Variants in STK11IP observed in about 807,000 individuals in gnomAD.
STK11IP encodes the protein serine/threonine kinase 11 interacting protein.
A neutral mutation model predicts 131.7 loss-of-function variants in STK11IP; 103 were observed. The observed-to-expected ratio is 0.78, with a 90% confidence interval of 0.67 to 0.92. The LOEUF is 0.92. Ranked by LOEUF, STK11IP falls within the 40% of genes least tolerant of loss-of-function variation. The probability of loss-of-function intolerance (pLI) is 0.00; values close to 1 mark genes in which losing one functional copy is unlikely to be tolerated. For missense variants in STK11IP, 1,315 were observed against 1,385.7 expected, an observed-to-expected ratio of 0.95 and a Z score of 0.81; for synonymous variants, 557 against 575.6, an observed-to-expected ratio of 0.97 and a Z score of 0.46.
intron 2 of STK11IP, 83 bp downstream of exon 2, chr2:219,598,263 A>G (rs1039795535): frequency 2.1e-5 from 22 of 1,061,752 alleles, no homozygotes; most frequent in Admixed American, 3.1e-5. Flanking sequence ...CCTGAGAGTC[A>G]TGGAGTTACG....
In STK11IP at chr2:219,612,983, C is replaced by T. The variant is rs375786731; in HGVS notation, c.2440-145C>T. The T allele has an allele frequency of 1.9e-4, 122 of 627,066 alleles. 4 individuals carry two copies. The highest frequency in any genetic ancestry group is 7.3e-4 in the African/African-American group (40 of 55,138). The allele number at this position is 627,066 out of a possible 1,614,324, so 38.8% of individuals were successfully genotyped here. A position where few individuals can be genotyped will look rare whatever the true frequency, so the allele number is the denominator to read the frequency against. On this transcript the variant is annotated intron_variant, in intron 19 of 24. Transcript: ENST00000456909. ...GAGCGGTGGTGGATGAAGAGGCTGT[C>T]GAGTGTGAGGGAAGCTCCATAGACT...
chr2:219,607,129 C>T lies in STK11IP; in HGVS notation c.1211C>T (p.Ser404Phe), dbSNP rs542468937. The change falls in exon 13 of 25, where the codon TCT (serine) becomes TTT (phenylalanine). Residue 404 changes from serine (S) to phenylalanine (F), a missense_variant. By Grantham distance (155) the Ser-to-Phe change is radical. Coordinates refer to ENST00000456909, the MANE Select transcript of STK11IP (RefSeq NM_052902.4). ...CCGGAGCCCCGAACTCTGAACCCCT[C>T]TCCGGCTGGTAAGTCAGCTTCATCC... ...TDPEPRTLNP[S>F]PAGWFVQQHP... 8 of 1,613,912 alleles carry T rather than the reference C, an allele frequency of 5.0e-6. No individual in the cohort carries two copies. Among genetic ancestry groups the T allele is most frequent in the Non-Finnish European group, 6.8e-6 (8 of 1,179,884 alleles).
chr2:219,608,798 G>T lies in STK11IP; in HGVS notation c.1809+10G>T. 1 of 1,586,548 alleles carries T rather than the reference G, an allele frequency of 6.3e-7. No homozygotes were observed. Among genetic ancestry groups the T allele is most frequent in the Non-Finnish European group, 8.6e-7 (1 of 1,167,410 alleles). ...GTCGCCCAGGCCCACGGTGAGTGGG[G>T]CGTGGCAGGGTCTCTGGAGGAGCCA... On this transcript the variant is annotated intron_variant, in intron 15 of 24. Coordinates refer to ENST00000456909, the MANE Select transcript of STK11IP (RefSeq NM_052902.4).
rs1574619629 is a variant in STK11IP at position 219,606,282 on chromosome 2, G to C, written c.937G>C (p.Ala313Pro). Residue 313 changes from alanine (A) to proline (P), a missense_variant, in exon 10 of 25, where the codon GCT (alanine) becomes CCT (proline). Transcript: ENST00000456909. Reference sequence around the variant, plus strand: ...CTTGTCACCCCGGGCCAGGGATGCTGCTACTGGCGTGAGTGATCGTCCTGT... The same window carrying C: ...CTTGTCACCCCGGGCCAGGGATGCTCCTACTGGCGTGAGTGATCGTCCTGT... ...QYLSPRARDA[A>P]TGFLLDGKVL... 1.3e-6 allele frequency: 2 copies of C among 1,565,762 alleles called. No homozygotes were observed. The highest frequency in any genetic ancestry group is 1.7e-6 in the Non-Finnish European group (2 of 1,154,912).
chr2:219,601,008 T>C (rs1004406645), intron 2 of STK11IP, among the ~76,000 whole-genome samples: 2 of 152,192 alleles, frequency 1.3e-5, no homozygotes, highest in African/African-American at 4.8e-5. Context: ...GTTGGAGTTG[T>C]GTAGCCAAGC....
At chr2:219,598,256 G>C (rs942654033) in intron 2 of STK11IP, 76 bp downstream of exon 2, 21 of 1,090,566 alleles carry the variant, frequency 1.9e-5, no homozygotes, top group Admixed American at 3.1e-5. Flanking sequence ...GACACGCCCT[G>C]AGAGTCATGG....
At chr2:219,609,762 A>C (rs1228582734) in intron 17 of STK11IP, 1 of 504,548 alleles carries the variant, frequency 2.0e-6, no homozygotes, top group East Asian at 3.6e-5. Flanking sequence ...TTTTTTTTTA[A>C]CTCTAAAAGT....
chr2:219,599,115 G>C (rs1269916137), intron 2 of STK11IP, among the ~76,000 whole-genome samples: 1 of 152,078 alleles, frequency 6.6e-6, no homozygotes, highest in Non-Finnish European at 1.5e-5. Flanking sequence ...TTGAGACAGA[G>C]TCTTGCTGTG....
intron 7 of STK11IP, among the ~76,000 whole-genome samples, chr2:219,603,467 C>T (rs1281063039): frequency 6.6e-6 from 1 of 152,098 alleles, no homozygotes; most frequent in Admixed American, 6.5e-5. Flanking sequence ...TGGGTCCTCC[C>T]ATCCACCTGT....
chr2:219,608,758 G>A lies in STK11IP; in HGVS notation c.1779G>A (p.Glu593=), dbSNP rs539594250. The A allele has an allele frequency of 1.3e-5, 21 of 1,609,924 alleles. No individual in the cohort carries two copies. The South Asian group carries it at 2.3e-4, about 18-fold the overall frequency. ...QSLEAAEIEP[E]AQAQRSPRPT... The stretch of plus-strand genomic sequence containing the variant: ...TGGAGGCAGCTGAGATAGAGCCGGA[G>A]GCCCAGGCCCAGAGGTCGCCCAGGC... Residue 593 remains glutamate, a synonymous_variant, in exon 15 of 25, where the codon GAG becomes GAA. Transcript: ENST00000456909.
At chr2:219,614,618 C>T in intron 23 of STK11IP, 72 bp downstream of exon 23, 3 of 1,465,606 alleles carry the variant, frequency 2.0e-6, no homozygotes, top group Non-Finnish European at 2.9e-6. Context: ...GGCCCACGCG[C>T]AGCACCTGTA....
At chr2:219,603,538 T>C (rs1033691040) in intron 7 of STK11IP, among the ~76,000 whole-genome samples, 3 of 151,862 alleles carry the variant, frequency 2.0e-5, no homozygotes, top group Admixed American at 2.0e-4. Flanking sequence ...TTTTTTTTTT[T>C]GAGGCAGAGT....
rs1193207815 is a variant in STK11IP at position 219,601,630 on chromosome 2, T to TC, written c.268-11_268-10insC. ...GTGCCTCAGTAAATTGAGTTTTTTTTTTTTTTTCAGCTGGTCCATGTTGCT... is the reference window on the plus strand; with the variant it reads ...GTGCCTCAGTAAATTGAGTTTTTTTTCTTTTTTTCAGCTGGTCCATGTTGCT... On this transcript the variant is annotated splice_polypyrimidine_tract_variant and intron_variant, in intron 3 of 24. Transcript: ENST00000456909. 6.4e-7 allele frequency: 1 copy of TC among 1,566,762 alleles called. No individual in the cohort carries two copies. The highest frequency in any genetic ancestry group is 8.7e-7 in the Non-Finnish European group (1 of 1,155,744).
chr2:219,609,047 C>T, intron 15 of STK11IP, 50 bp from the exon 16 acceptor site: 1 of 1,407,580 alleles, frequency 7.1e-7, no homozygotes, highest in Non-Finnish European at 9.8e-7. Flanking sequence ...CCTCATCCCT[C>T]TGATCACCGC....
intron 2 of STK11IP, among the ~76,000 whole-genome samples, chr2:219,599,539 C>T (rs1163069666): frequency 1.3e-5 from 2 of 152,166 alleles, no homozygotes; most frequent in Non-Finnish European, 2.9e-5. Flanking sequence ...CATACAGAAT[C>T]CTTCATGTCA....
chr2:219,606,755 C>T lies in STK11IP; in HGVS notation c.1031C>T (p.Pro344Leu). 1 of 1,613,700 alleles carries T rather than the reference C, an allele frequency of 6.2e-7. No individual in the cohort carries two copies. Among genetic ancestry groups the T allele is most frequent in the Non-Finnish European group, 8.5e-7 (1 of 1,179,782 alleles). The change falls in exon 12 of 25, where the codon CCC becomes CTC. Residue 344 changes from proline to leucine, a missense_variant. Coordinates refer to ENST00000456909, the MANE Select transcript of STK11IP (RefSeq NM_052902.4). ...LGLSPMGPPL[P>L]WPVGSTPETS... is the part of the protein sequence containing the mutation. ...CTCAGCCCCATGGGCCCACCTTTGC[C>T]CTGGCCAGTGGGGAGTACTCCTGAA...
At position 219,605,707 on chromosome 2, in the gene STK11IP, C is replaced by T. The variant is rs201204373; in HGVS notation, c.718C>T (p.Arg240Ter). The T allele has an allele frequency of 2.9e-4, 456 of 1,589,206 alleles. 1 individual carries two copies. The highest frequency in any genetic ancestry group is 7.9e-5 in the Non-Finnish European group (92 of 1,168,176). ...SGAALGVLIL[R>*]GNELRSLHGL... The stretch of plus-strand genomic sequence containing the variant: ...GGCTGCTCTGGGGGTCCTGATACTG[C>T]GAGGCAATGAGCTTCGGAGCCTGCA... Residue 240 changes from arginine (R) to a stop codon, truncating the protein, a stop_gained, in exon 8 of 25, where the codon CGA becomes TGA. Coordinates refer to ENST00000456909, the MANE Select transcript of STK11IP (RefSeq NM_052902.4). LOFTEE classifies it high-confidence loss of function.
chr2:219,605,735 G>GT lies in STK11IP; in HGVS notation c.745+2dup. On this transcript the variant is annotated splice_donor_variant, in intron 8 of 24. Transcript: ENST00000456909. LOFTEE classifies it high-confidence loss of function. ...GGCAATGAGCTTCGGAGCCTGCATG[G>GT]TGAGTGGGGGTGTGTGATGGGGCAA... 4.4e-6 allele frequency: 7 copies of GT among 1,597,216 alleles called. No homozygotes were observed. The highest frequency in any genetic ancestry group is 6.0e-6 in the Non-Finnish European group (7 of 1,172,096).
chr2:219,598,572 A>G (rs1369664413), intron 2 of STK11IP: 4 of 174,296 alleles, frequency 2.3e-5, no homozygotes, highest in African/African-American at 9.4e-5. Flanking sequence ...TTGGAATATC[A>G]ACCCTCTTTC....
Sources: gnomAD v4.1 joint callset for allele counts (sites outside exome capture counted in the v4.1 genomes callset) on GRCh38, gnomAD v4.1.1 for gene constraint, MANE v1.5 for transcripts, NCBI Gene and HGNC (gene_info 2026-07-23, HGNC 2026-07-21) for gene names.